MECOM: variants seen among roughly 807,000 people sequenced by gnomAD.
The protein encoded by MECOM is MDS1 and EVI1 complex locus.
Under a neutral mutation model 116.3 loss-of-function variants are expected in MECOM, and 13 were observed. That is an observed-to-expected ratio of 0.11 (90% CI 0.07 to 0.18). The LOEUF is 0.18. Ranked by LOEUF, MECOM falls within the 10% of genes least tolerant of loss-of-function variation. MECOM has a pLI of 1.00. For missense variants in MECOM, 1,299 were observed against 1,509.0 expected (o/e 0.86, Z 2.31); for synonymous variants, 528 against 535.2 (o/e 0.99, Z 0.19).
intron 2 of MECOM, among the ~76,000 whole-genome samples, chr3:169,358,950 A>G (rs1187157589): frequency 1.1e-4 from 16 of 151,702 alleles, no homozygotes; most frequent in Admixed American, 1.1e-3. Context: ...TACTGTGGCA[A>G]TTAGTACTTC....
At chr3:169,406,250 A>C (rs1736677315) in intron 1 of MECOM, among the ~76,000 whole-genome samples, 2 of 152,226 alleles carry the variant, frequency 1.3e-5, no homozygotes, top group Admixed American at 1.3e-4. Context: ...ACGCTTTTGG[A>C]AAACCAGATC....
At chr3:169,383,482 C>T (rs779052182) in intron 1 of MECOM, among the ~76,000 whole-genome samples, 2 of 152,162 alleles carry the variant, frequency 1.3e-5, no homozygotes, top group Admixed American at 6.5e-5. Flanking sequence ...ATTTTCTCTC[C>T]TTTGTCTTCC....
At chr3:169,584,425 C>G (rs907701386) in intron 1 of MECOM, among the ~76,000 whole-genome samples, 1 of 151,376 alleles carries the variant, frequency 6.6e-6, no homozygotes, top group Admixed American at 6.6e-5. Context: ...ATTAGCCGGG[C>G]GTGGTGGCGA....
rs751850073 is a variant in MECOM at position 169,100,870 on chromosome 3, A to G, written c.2849+15T>C. 1 of 1,452,190 alleles carries G rather than the reference A, an allele frequency of 6.9e-7. No individual in the cohort carries two copies. The highest frequency in any genetic ancestry group is 1.9e-5 in the Admixed American group (1 of 53,310). 90.0% of individuals were successfully genotyped at this position (1,452,190 alleles called of 1,614,324 possible). The stretch of plus-strand genomic sequence containing the variant: ...CAATATTTATCAAGATATTTAGCAA[A>G]TATCATTGTCAGACCTGTAAGGCTG... On this transcript the variant is annotated intron_variant, in intron 12 of 16. Coordinates refer to ENST00000651503, the MANE Select transcript of MECOM (RefSeq NM_004991.4).
At chr3:169,550,788 G>T (rs1416403944) in intron 1 of MECOM, among the ~76,000 whole-genome samples, 2 of 150,928 alleles carry the variant, frequency 1.3e-5, no homozygotes, top group Non-Finnish European at 2.9e-5. Flanking sequence ...AAACAAATGT[G>T]GTCTTTATAA....
chr3:169,254,049 C>T (rs916016260), intron 2 of MECOM, among the ~76,000 whole-genome samples: 7 of 152,000 alleles, frequency 4.6e-5, no homozygotes, highest in Non-Finnish European at 8.8e-5. Flanking sequence ...CATGTGATGC[C>T]CTTTTAAAAA....
intron 2 of MECOM, among the ~76,000 whole-genome samples, chr3:169,196,703 A>G (rs1288487761): frequency 6.6e-6 from 1 of 152,078 alleles, no homozygotes; most frequent in Non-Finnish European, 1.5e-5. Flanking sequence ...GAATGCTTAT[A>G]CACTGCTGGT....
chr3:169,569,192 T>A (rs1005977651), intron 1 of MECOM, among the ~76,000 whole-genome samples: 12 of 149,984 alleles, frequency 8.0e-5, no homozygotes, highest in Middle Eastern at 7.1e-3. Context: ...AGGGTGGCAA[T>A]CCTTGTCTCT....
At chr3:169,641,008 C>A (rs182915083) in intron 1 of MECOM, among the ~76,000 whole-genome samples, 1 of 152,212 alleles carries the variant, frequency 6.6e-6, no homozygotes, top group South Asian at 2.1e-4. Context: ...ACCAGTGACA[C>A]TCTAGATCTC....
chr3:169,370,502 C>A (rs1729909255), intron 2 of MECOM, among the ~76,000 whole-genome samples: 1 of 151,260 alleles, frequency 6.6e-6, no homozygotes, highest in Non-Finnish European at 1.5e-5. Flanking sequence ...AAAGCATAGG[C>A]AATAAAAGCA....
At chr3:169,233,183 A>G (rs1032328892) in intron 2 of MECOM, among the ~76,000 whole-genome samples, 1 of 152,114 alleles carries the variant, frequency 6.6e-6, no homozygotes, top group East Asian at 1.9e-4. Context: ...ACTGCCTTTG[A>G]AGGATTCTCT....
chr3:169,214,565 T>G (rs1751187117), intron 2 of MECOM, among the ~76,000 whole-genome samples: 1 of 151,892 alleles, frequency 6.6e-6, no homozygotes. Context: ...GTTTAGACTT[T>G]AAGTCATTGA....
intron 2 of MECOM, among the ~76,000 whole-genome samples, chr3:169,203,435 A>C (rs1170344179): frequency 6.6e-6 from 1 of 152,126 alleles, no homozygotes; most frequent in African/African-American, 2.4e-5. Context: ...TACTTTCACC[A>C]TTTAAAAAAT....
rs1734669416 is a variant in MECOM, at chr3:169,131,448, A to G, written c.594T>C (p.Thr198=). Residue 198 remains threonine, a synonymous_variant, in exon 4 of 17, where the codon ACT becomes ACC. Transcript: ENST00000651503. ...ACTAACCGTGGATATCCGGCGCCAT[A>G]GTTTCATGGGGATAGTCTTCGCTCT... ...FMKSEDYPHE[T]MAPDIHEERQ... 3.1e-6 allele frequency: 5 copies of G among 1,613,938 alleles called. No individual in the cohort carries two copies. In the African/African-American group the frequency reaches 4.0e-5, roughly 13 times the overall value.
chr3:169,144,291 A>T (rs543453544), intron 2 of MECOM, among the ~76,000 whole-genome samples: 109 of 152,224 alleles, frequency 7.2e-4, no homozygotes, highest in Non-Finnish European at 1.2e-3. Context: ...GCATCTCATT[A>T]CCATGAAACA....
intron 2 of MECOM, among the ~76,000 whole-genome samples, chr3:169,167,756 C>A (rs1255654473): frequency 1.3e-5 from 2 of 151,990 alleles, no homozygotes; most frequent in Non-Finnish European, 2.9e-5. Context: ...TTGACATATA[C>A]ACATACACAG....
chr3:169,376,211 C>T (rs1731006598), intron 2 of MECOM, among the ~76,000 whole-genome samples: 1 of 152,150 alleles, frequency 6.6e-6, no homozygotes, highest in African/African-American at 2.4e-5. Context: ...GATACACCCA[C>T]AGCCAATATC....
At position 169,115,836 on chromosome 3, in the gene MECOM, A is replaced by G. The variant is rs1338374686; in HGVS notation, c.2036T>C (p.Val679Ala). The change falls in exon 8 of 17, where the codon GTG becomes GCG. Residue 679 changes from valine to alanine, a missense_variant. Physicochemically the swap from Val to Ala is moderately conservative, Grantham distance 64 (BLOSUM62 0). This residue lies in a region of MECOM where 340 missense variants were observed against 312.6 expected (regional missense o/e 1.09). Coordinates refer to ENST00000651503, the MANE Select transcript of MECOM (RefSeq NM_004991.4). Reference sequence around the variant, plus strand: ...TCCAACTTTTTTGTCTTGCAGCCCCACCAGTCCTGTTGAACCAAAGTATTT... The same window carrying G: ...TCCAACTTTTTTGTCTTGCAGCCCCGCCAGTCCTGTTGAACCAAAGTATTT... ...AEKYFGSTGL[V>A]GLQDKKVGAL... The G allele has an allele frequency of 4.3e-6, 7 of 1,614,102 alleles. No homozygotes were observed. The highest frequency in any genetic ancestry group is 1.7e-5 in the Admixed American group (1 of 60,018).
intron 2 of MECOM, among the ~76,000 whole-genome samples, chr3:169,325,778 G>A (rs1378300807): frequency 5.3e-5 from 8 of 152,150 alleles, no homozygotes; most frequent in East Asian, 1.9e-4. Context: ...TGATTGGGTC[G>A]GGGGTGATAG....
Sources: gnomAD v4.1 joint callset for allele counts (sites outside exome capture counted in the v4.1 genomes callset) on GRCh38, gnomAD v4.1.1 for gene constraint, gnomAD v4.1.1 regional missense constraint, MANE v1.5 for transcripts, NCBI Gene and HGNC (gene_info 2026-07-23, HGNC 2026-07-21) for gene names.